GCC2: variants seen among roughly 807,000 people sequenced by gnomAD.
GCC2 encodes GRIP and coiled-coil domain-containing protein 2.
In GCC2, 120 loss-of-function variants were observed where a neutral mutation model predicts 210.6. The observed-to-expected ratio is 0.57, with a 90% CI of 0.49 to 0.66. GCC2 has a LOEUF of 0.66. Among genes scored for constraint, GCC2 ranks in the 30% least tolerant of loss-of-function variants. The pLI, the probability that GCC2 is intolerant of heterozygous loss-of-function variation, is 0.00. For missense variants in GCC2, 1,868 were observed against 1,871.9 expected, an observed-to-expected ratio of 1.00 and a Z score of 0.04; for synonymous variants, 703 against 652.7, an observed-to-expected ratio of 1.08 and a Z score of -1.17.
At position 108,471,285 on chromosome 2, in the gene GCC2, AGAG is replaced by A. The variant is rs1681202362; in HGVS notation, c.1960_1962del (p.Glu654del). The A allele has an allele frequency of 6.2e-6, 10 of 1,611,464 alleles. No individual in the cohort carries two copies. Among genetic ancestry groups the A allele is most frequent in the Non-Finnish European group, 6.8e-6 (8 of 1,178,494 alleles). On this transcript the variant is annotated inframe_deletion, in exon 6 of 23. Transcript: ENST00000309863. ...AGGTAAATGAATTAACAGGAGGACT[AGAG>A]GAGACTTTAAAAGAAAAGGATCAAA...
At chr2:108,450,972 G>C in intron 2 of GCC2, 56 bp from the exon 3 acceptor site, 2 of 1,038,564 alleles carry the variant, frequency 1.9e-6, no homozygotes, top group Non-Finnish European at 3.0e-6. Flanking sequence ...TTTCTTTTTT[G>C]TGGTATACTA....
chr2:108,465,761 C>G (rs1316336427), intron 4 of GCC2, among the ~76,000 whole-genome samples: 1 of 152,196 alleles, frequency 6.6e-6, no homozygotes, highest in African/African-American at 2.4e-5. Flanking sequence ...TTTAAGGTAT[C>G]TCCATACTGT....
At chr2:108,487,668 G>A in intron 16 of GCC2, 31 bp from the exon 17 acceptor site, 1 of 1,580,096 alleles carries the variant, frequency 6.3e-7, no homozygotes, top group African/African-American at 1.4e-5. Context: ...TGTTACAGTA[G>A]AAAAACGTTT....
intron 4 of GCC2, among the ~76,000 whole-genome samples, chr2:108,452,691 C>CTTTTTTTTTTTT (rs34444254): frequency 4.7e-4 from 47 of 99,434 alleles, no homozygotes; most frequent in African/African-American, 1.2e-3. Flanking sequence ...TTTTTTCTTT[C>CTTTTTTTTTTTT]TTTTTTTTTT....
chr2:108,460,530 GTT>G (rs1480567263), intron 4 of GCC2, among the ~76,000 whole-genome samples: 1 of 152,004 alleles, frequency 6.6e-6, no homozygotes, highest in Admixed American at 6.6e-5. Context: ...TTACCACTGA[GTT>G]TTCTATTTGT....
chr2:108,465,535 A>G (rs908535498), intron 4 of GCC2, among the ~76,000 whole-genome samples: 7 of 152,096 alleles, frequency 4.6e-5, no homozygotes, highest in African/African-American at 1.7e-4. Flanking sequence ...TCTAACATCC[A>G]TTATATCACT....
intron 4 of GCC2, chr2:108,462,560 CTT>C (rs1163723057): frequency 2.2e-4 from 20 of 91,012 alleles, no homozygotes; most frequent in African/African-American, 7.4e-4. Flanking sequence ...GACTTCGCTT[CTT>C]TTTTTTTTTT....
chr2:108,462,073 G>A (rs189009170), intron 4 of GCC2, among the ~76,000 whole-genome samples: 2,298 of 146,288 alleles, frequency 0.016, 215 homozygotes, highest in Admixed American at 0.14. Flanking sequence ...TCCTGACCTC[G>A]TGATCCGCCC....
At chr2:108,501,016 G>C (rs918197946) in intron 22 of GCC2, among the ~76,000 whole-genome samples, 6 of 152,150 alleles carry the variant, frequency 3.9e-5, no homozygotes, top group Admixed American at 6.5e-5. Flanking sequence ...GTTTGTTTGA[G>C]ACATAGTGTT....
At chr2:108,461,489 G>A (rs1303673686) in intron 4 of GCC2, among the ~76,000 whole-genome samples, 1 of 151,964 alleles carries the variant, frequency 6.6e-6, no homozygotes, top group Non-Finnish European at 1.5e-5. Context: ...CACTAAATAG[G>A]TTTTCTGGTA....
intron 21 of GCC2, among the ~76,000 whole-genome samples, chr2:108,497,866 A>C (rs1458105926): frequency 6.6e-6 from 1 of 152,200 alleles, no homozygotes; most frequent in African/African-American, 2.4e-5. Context: ...TTGAGAGAAA[A>C]ATTGAAGCTG....
chr2:108,485,641 TTACAGTCTTCAG>T lies in GCC2; in HGVS notation c.3624_3635del (p.Ser1209_Gln1212del). 6.6e-7 allele frequency: 1 copy of T among 1,512,924 alleles called. No individual in the cohort carries two copies. The highest frequency in any genetic ancestry group is 8.9e-7 in the Non-Finnish European group (1 of 1,120,334). 93.7% of individuals were successfully genotyped at this position (1,512,924 alleles called of 1,614,324 possible). ...GAAATTATTTCTTGTGCTAGCTTCA[TTACAGTCTTCAG>T]TACAACAATATGAAGAAAAAAACAC... On this transcript the variant is annotated inframe_deletion, in exon 14 of 23. Transcript: ENST00000309863.
rs764192633 is a variant in GCC2 at position 108,492,820 on chromosome 2, G to T, written c.4447+30G>T. On this transcript the variant is annotated intron_variant, in intron 19 of 22. Transcript: ENST00000309863. ...GTATGTACACATGGAAATATTAGTT[G>T]TTCATGTTTTCATGCATTTGTCTCT... is the stretch of plus-strand genomic sequence containing the variant. 7.0e-5 allele frequency: 102 copies of T among 1,465,606 alleles called. 1 individual carries two copies. Among genetic ancestry groups the T allele is most frequent in the Non-Finnish European group, 9.2e-5 (96 of 1,044,746 alleles). The allele number at this position is 1,465,606 out of a possible 1,614,324, so 90.8% of individuals were successfully genotyped here.
At chr2:108,480,830 A>G (rs907221709) in intron 9 of GCC2, among the ~76,000 whole-genome samples, 1 of 151,550 alleles carries the variant, frequency 6.6e-6, no homozygotes, top group Admixed American at 6.6e-5. Context: ...ATGGTGAAAT[A>G]ATCTGTACAA....
chr2:108,461,782 G>A (rs1209076234), intron 4 of GCC2, among the ~76,000 whole-genome samples: 1 of 150,146 alleles, frequency 6.7e-6, no homozygotes, highest in Non-Finnish European at 1.5e-5. Flanking sequence ...GGGATTGCAA[G>A]CATGAGCCAC....
At chr2:108,507,416 C>CCCCA (rs1228567328) in intron 22 of GCC2, 144 bp from the exon 23 acceptor site, 1 of 306,950 alleles carries the variant, frequency 3.3e-6, no homozygotes, top group African/African-American at 2.5e-5. Context: ...CCCCCCCCCC[C>CCCCA]AAAAAAAAGG....
intron 4 of GCC2, among the ~76,000 whole-genome samples, chr2:108,454,703 T>A (rs1413886933): frequency 6.6e-6 from 1 of 152,224 alleles, no homozygotes; most frequent in African/African-American, 2.4e-5. Context: ...TTCTCTATGA[T>A]TCAGTTTTGT....
intron 22 of GCC2, among the ~76,000 whole-genome samples, chr2:108,500,794 G>C (rs530011718): frequency 6.6e-6 from 1 of 152,132 alleles, no homozygotes; most frequent in Non-Finnish European, 1.5e-5. Context: ...ATCTTTTGGC[G>C]TAAATAGGGG....
intron 20 of GCC2, chr2:108,495,722 ATCTGCAGGCT>A (rs1558759039): frequency 3.8e-6 from 1 of 265,182 alleles, no homozygotes; most frequent in Non-Finnish European, 7.3e-6. Flanking sequence ...TCACTAGGCC[ATCTGCAGGCT>A]GAGGAGCAGT....
Sources: gnomAD v4.1 joint callset for allele counts (sites outside exome capture counted in the v4.1 genomes callset) on GRCh38, gnomAD v4.1.1 for gene constraint, MANE v1.5 for transcripts, NCBI Gene and HGNC (gene_info 2026-07-23, HGNC 2026-07-21) for gene names.